The following DLGAP2 variants were observed in gnomAD, a reference collection of about 807,000 sequenced individuals.
DLGAP2 encodes the protein disks large-associated protein 2.
In DLGAP2, 26 loss-of-function variants were observed where a neutral mutation model predicts 100.3. The observed-to-expected ratio is 0.26, with a 90% CI of 0.19 to 0.36. DLGAP2 has a LOEUF of 0.36. Ranked by LOEUF, DLGAP2 falls within the 10% of genes least tolerant of loss-of-function variation. The pLI is 1.00. For synonymous variants in DLGAP2, 886 were observed against 630.1 expected (o/e 1.41, Z -6.08); for missense variants, 1,858 against 1,453.2 (o/e 1.28, Z -4.53).
At chr8:788,338 A>G (rs960792572) in intron 1 of DLGAP2, among the ~76,000 whole-genome samples, 1 of 152,134 alleles carries the variant, frequency 6.6e-6, no homozygotes, top group African/African-American at 2.4e-5. Context: ...ATCTGTGTTC[A>G]CATGGTCTGG....
chr8:915,935 A>G, intron 2 of DLGAP2, among the ~76,000 whole-genome samples: 1 of 102,768 alleles, frequency 9.7e-6, no homozygotes, highest in African/African-American at 3.9e-5. Context: ...CACTCTCCGC[A>G]CTCTCTTTTT....
At chr8:772,358 T>C (rs553949079) in intron 1 of DLGAP2, among the ~76,000 whole-genome samples, 1 of 152,032 alleles carries the variant, frequency 6.6e-6, no homozygotes, top group South Asian at 2.1e-4. Context: ...AGTCTTGCTC[T>C]GTTGCCGAGG....
chr8:983,661 G>C (rs1203530035), intron 2 of DLGAP2, among the ~76,000 whole-genome samples: 1 of 152,126 alleles, frequency 6.6e-6, no homozygotes, highest in African/African-American at 2.4e-5. Context: ...AGAAGTTTTT[G>C]GGATAGGACC....
intron 6 of DLGAP2, among the ~76,000 whole-genome samples, chr8:1,588,556 GATAA>G (rs530815165): frequency 3.8e-4 from 58 of 152,146 alleles, no homozygotes; most frequent in African/African-American, 1.4e-3. Flanking sequence ...GGACTGAATA[GATAA>G]ATAAAATAAT....
intron 2 of DLGAP2, among the ~76,000 whole-genome samples, chr8:1,023,424 G>T (rs138859225): frequency 6.6e-6 from 1 of 152,152 alleles, no homozygotes; most frequent in African/African-American, 2.4e-5. Flanking sequence ...TAACTCCTGG[G>T]TTCAAGCAGC....
At chr8:1,433,322 G>C (rs79143452) in intron 3 of DLGAP2, among the ~76,000 whole-genome samples, 1 of 152,212 alleles carries the variant, frequency 6.6e-6, no homozygotes, top group African/African-American at 2.4e-5. Flanking sequence ...AGCTGTGGCC[G>C]TCAGGGGCAT....
chr8:1,591,128 A>T (rs2130671709), intron 6 of DLGAP2, among the ~76,000 whole-genome samples: 1 of 152,316 alleles, frequency 6.6e-6, no homozygotes, highest in South Asian at 2.1e-4. Context: ...GCCCATGAAG[A>T]CACCAGCCCT....
intron 2 of DLGAP2, among the ~76,000 whole-genome samples, chr8:1,255,243 TC>T (rs1799168378): frequency 1.1e-5 from 1 of 87,936 alleles, no homozygotes; most frequent in Non-Finnish European, 2.0e-5. Flanking sequence ...GTGTGTGCCC[TC>T]TCATCCTGCC....
At chr8:910,800 C>T (rs1798469263) in intron 2 of DLGAP2, among the ~76,000 whole-genome samples, 1 of 152,090 alleles carries the variant, frequency 6.6e-6, no homozygotes, top group Non-Finnish European at 1.5e-5. Context: ...GGATTGGTGT[C>T]CTTGCAGGGG....
intron 2 of DLGAP2, among the ~76,000 whole-genome samples, chr8:1,008,215 G>T (rs1221637847): frequency 6.6e-6 from 1 of 152,354 alleles, no homozygotes; most frequent in East Asian, 1.9e-4. Flanking sequence ...ATAAATGTCA[G>T]TAGTTATTAC....
At chr8:1,210,282 G>T (rs888165498) in intron 2 of DLGAP2, among the ~76,000 whole-genome samples, 34 of 152,196 alleles carry the variant, frequency 2.2e-4, no homozygotes, top group African/African-American at 8.2e-4. Context: ...AAGCATGGCA[G>T]GGATTCAGCT....
intron 2 of DLGAP2, among the ~76,000 whole-genome samples, chr8:1,008,599 G>C (rs1320360949): frequency 6.6e-6 from 1 of 152,234 alleles, no homozygotes; most frequent in African/African-American, 2.4e-5. Context: ...TAAATGCTTA[G>C]AGCTGCCTTT....
intron 1 of DLGAP2, among the ~76,000 whole-genome samples, chr8:769,361 G>A (rs967674678): frequency 9.9e-5 from 15 of 151,992 alleles, no homozygotes; most frequent in African/African-American, 3.6e-4. Flanking sequence ...GATTGTCAGT[G>A]TGGTCAGTTG....
At chr8:1,323,426 C>A (rs1173742425) in intron 3 of DLGAP2, among the ~76,000 whole-genome samples, 1 of 152,224 alleles carries the variant, frequency 6.6e-6, no homozygotes, top group Non-Finnish European at 1.5e-5. Flanking sequence ...GTCTGGGTGG[C>A]CCCGGTAGTA....
intron 3 of DLGAP2, among the ~76,000 whole-genome samples, chr8:1,479,796 G>A (rs1004653154): frequency 6.6e-6 from 1 of 152,196 alleles, no homozygotes; most frequent in African/African-American, 2.4e-5. Context: ...TGGTGTCTCT[G>A]CGTTGCGATA....
intron 3 of DLGAP2, among the ~76,000 whole-genome samples, chr8:1,298,899 G>C (rs138581598): frequency 6.4e-4 from 97 of 152,052 alleles, no homozygotes; most frequent in African/African-American, 1.8e-3. Flanking sequence ...AGGCAGGAAC[G>C]GGGGGAGAAC....
At chr8:869,553 C>A (rs1296803581) in intron 1 of DLGAP2, among the ~76,000 whole-genome samples, 3 of 152,180 alleles carry the variant, frequency 2.0e-5, no homozygotes, top group African/African-American at 7.2e-5. Flanking sequence ...TTTAAAAGCT[C>A]TCAAACATGG....
At chr8:851,616 G>A (rs762474760) in intron 1 of DLGAP2, among the ~76,000 whole-genome samples, 4 of 152,198 alleles carry the variant, frequency 2.6e-5, no homozygotes, top group Non-Finnish European at 4.4e-5. Flanking sequence ...AGTCAGTTCA[G>A]CCTCTGTTCA....
chr8:896,279 T>A (rs1391851490), intron 1 of DLGAP2, among the ~76,000 whole-genome samples: 1 of 151,700 alleles, frequency 6.6e-6, no homozygotes, highest in African/African-American at 2.4e-5. Context: ...GTTTGTTGGA[T>A]GGGGATAATG....
Sources: allele counts gnomAD v4.1 joint callset (sites outside exome capture counted in the v4.1 genomes callset), GRCh38; gene constraint gnomAD v4.1.1; transcripts MANE v1.5; gene names NCBI Gene and HGNC (gene_info 2026-07-23, HGNC 2026-07-21).